Variants in PNISR observed in about 807,000 individuals in gnomAD.
PNISR encodes the protein arginine/serine-rich protein PNISR.
In PNISR, 20 loss-of-function variants were observed where a neutral mutation model predicts 93.4. The observed-to-expected ratio is 0.21, with a 90% CI of 0.15 to 0.31. The LOEUF (loss-of-function observed/expected upper bound fraction) is 0.31. Ranked by LOEUF, PNISR falls within the 10% of genes least tolerant of loss-of-function variation. PNISR has a pLI of 1.00. For synonymous variants in PNISR, 305 were observed against 306.5 expected (o/e 0.99, Z 0.05); for missense variants, 893 against 985.4 (o/e 0.91, Z 1.25).
intron 5 of PNISR, 49 bp from the exon 6 acceptor site, chr6:99,409,393 T>G: frequency 6.5e-7 from 1 of 1,539,856 alleles, no homozygotes; most frequent in Non-Finnish European, 8.9e-7. Flanking sequence ...TACAATATAC[T>G]CTCTGGGACA....
intron 1 of PNISR, among the ~76,000 whole-genome samples, chr6:99,421,871 CATTT>C (rs1451732474): frequency 3.3e-5 from 5 of 152,104 alleles, no homozygotes; most frequent in African/African-American, 1.2e-4. Flanking sequence ...AAATGACAAT[CATTT>C]ATTTATTATT....
chr6:99,398,336 TG>T lies in PNISR; in HGVS notation c.*2203del, dbSNP rs1223518574. ...AAATTATACATCTAATTAACTTATGTGTAAGTTTTTGCATTCACATCCTAAA... is the reference window on the plus strand; with the variant it reads ...AAATTATACATCTAATTAACTTATGTTAAGTTTTTGCATTCACATCCTAAA... On this transcript the variant is annotated 3_prime_UTR_variant, in exon 12 of 12. Coordinates refer to ENST00000369239, the MANE Select transcript of PNISR (RefSeq NM_032870.4). 2.6e-5 allele frequency: 4 copies of T among 152,186 alleles called. No homozygotes were observed. Among genetic ancestry groups the T allele is most frequent in the Non-Finnish European group, 5.9e-5 (4 of 67,982 alleles). The allele number at this position is 152,186 out of a possible 1,614,324, so 9.4% of individuals were successfully genotyped here. A position where few individuals can be genotyped will look rare whatever the true frequency, so the allele number is the denominator to read the frequency against.
At chr6:99,413,358 T>C (rs1385173196) in intron 3 of PNISR, among the ~76,000 whole-genome samples, 2 of 151,940 alleles carry the variant, frequency 1.3e-5, no homozygotes, top group East Asian at 3.9e-4. Flanking sequence ...CTTCCCAAGA[T>C]ACATTTTTTT....
At chr6:99,421,506 G>A (rs1417040982) in intron 1 of PNISR, among the ~76,000 whole-genome samples, 1 of 152,142 alleles carries the variant, frequency 6.6e-6, no homozygotes, top group African/African-American at 2.4e-5. Context: ...GGAGACATAA[G>A]ACACTTACAG....
chr6:99,402,023 G>C (rs906902118), intron 11 of PNISR, among the ~76,000 whole-genome samples: 6 of 152,168 alleles, frequency 3.9e-5, no homozygotes, highest in African/African-American at 1.4e-4. Flanking sequence ...ATGTAGAGGT[G>C]GGTGTGAGGC....
chr6:99,407,706 A>T (rs1404255912), intron 7 of PNISR, among the ~76,000 whole-genome samples: 1 of 152,216 alleles, frequency 6.6e-6, no homozygotes, highest in Non-Finnish European at 1.5e-5. Context: ...AAAACAATCA[A>T]AATTATTACA....
chr6:99,410,952 T>C lies in PNISR; in HGVS notation c.290A>G (p.His97Arg), dbSNP rs139262827. The C allele has an allele frequency of 1.0e-3, 1,624 of 1,611,382 alleles. 8 individuals are homozygous for C. Among genetic ancestry groups the C allele is most frequent in the Middle Eastern group, 1.8e-3 (11 of 6,052 alleles). ...TGGAGGGGGGTGTGGGGGTTGCTGA[T>C]GCATTCCCCATTCTATTTAAGATTT... ...NRMWQPEWGM[H>R]QQPPHPPPDQ... The change falls in exon 5 of 12, where the codon CAT (histidine) becomes CGT (arginine). Residue 97 changes from histidine (H) to arginine (R), a missense_variant. Transcript: ENST00000369239.
In PNISR at chr6:99,400,992, G is replaced by A. The variant is rs1207441069; in HGVS notation, c.1966C>T (p.His656Tyr). 1.2e-6 allele frequency: 2 copies of A among 1,611,966 alleles called. No homozygotes were observed. The highest frequency in any genetic ancestry group is 2.2e-5 in the East Asian group (1 of 44,842). Reference sequence around the variant, plus strand: ...TCTTGTTCTTTAGCCTCACCTTTATGCTTATGACTGTTCCCACTAAGATTT... The same window carrying A: ...TCTTGTTCTTTAGCCTCACCTTTATACTTATGACTGTTCCCACTAAGATTT... ...RGNLSGNSHK[H>Y]KGEAKEQERK... The change falls in exon 12 of 12, where the codon CAT becomes TAT. Residue 656 changes from histidine to tyrosine, a missense_variant. Physicochemically the swap from His to Tyr is moderately conservative, Grantham distance 83 (BLOSUM62 2). Around this residue, in one of 3 missense-constraint regions of PNISR, gnomAD observed 866 missense variants for 935.1 expected, o/e 0.93. Transcript: ENST00000369239.
chr6:99,406,184 G>C lies in PNISR; in HGVS notation c.865-16C>G. 1 of 1,567,892 alleles carries C rather than the reference G, an allele frequency of 6.4e-7. No homozygotes were observed. The highest frequency in any genetic ancestry group is 1.7e-5 in the Admixed American group (1 of 57,274). ...CATCACTATCCTATAAAAAACAATA[G>C]TATGGTAGTCCAAATTCATGTGTAT... On this transcript the variant is annotated splice_polypyrimidine_tract_variant and intron_variant, in intron 7 of 11. Transcript: ENST00000369239.
Position 99,399,609 on chromosome 6 carries a change from C to T in PNISR, c.*931G>A, listed in dbSNP as rs1250199738. 6.6e-6 allele frequency: 1 copy of T among 152,108 alleles called. No homozygotes were observed. The highest frequency in any genetic ancestry group is 1.5e-5 in the Non-Finnish European group (1 of 67,998). 9.4% of individuals were successfully genotyped at this position (152,108 alleles called of 1,614,324 possible). On this transcript the variant is annotated 3_prime_UTR_variant, in exon 12 of 12. Transcript: ENST00000369239. ...TTCCTTACAAATAACTCTACTGGTG[C>T]ACTGGCTTGATTGATTCCAGCAATT...
intron 1 of PNISR, among the ~76,000 whole-genome samples, chr6:99,421,759 G>A (rs564450604): frequency 6.6e-6 from 1 of 152,148 alleles, no homozygotes; most frequent in African/African-American, 2.4e-5. Context: ...AATATCCCTA[G>A]AAAACTAATA....
At chr6:99,401,655 CT>C (rs1355727491) in intron 11 of PNISR, 25 bp from the exon 12 acceptor site, 3 of 1,487,468 alleles carry the variant, frequency 2.0e-6, no homozygotes, top group Non-Finnish European at 2.7e-6. Context: ...GACAAAAACA[CT>C]AAGAAAATGT....
chr6:99,413,470 G>C (rs1161987326), intron 3 of PNISR, among the ~76,000 whole-genome samples: 1 of 151,600 alleles, frequency 6.6e-6, no homozygotes, highest in Non-Finnish European at 1.5e-5. Flanking sequence ...TCCATGTAGA[G>C]TCTGGGTTAT....
At chr6:99,419,229 T>C (rs1440378753) in intron 1 of PNISR, among the ~76,000 whole-genome samples, 1 of 130,760 alleles carries the variant, frequency 7.6e-6, no homozygotes, top group Non-Finnish European at 1.6e-5. Flanking sequence ...AAAACGTACA[T>C]GCACATCCCT....
chr6:99,401,387 GT>G lies in PNISR; in HGVS notation c.1570del (p.Thr524LeufsTer59). The G allele has an allele frequency of 6.2e-7, 1 of 1,606,688 alleles. No homozygotes were observed. The highest frequency in any genetic ancestry group is 8.5e-7 in the Non-Finnish European group (1 of 1,173,562). ...SSGSSSSNSR[T>X]SSTSSTVSSS... The stretch of plus-strand genomic sequence containing the variant: ...AGAGACAGTACTACTAGTACTACTA[GT>G]TCTGCTATTGCTACTGGAACTACCA... On this transcript the variant is annotated frameshift_variant, in exon 12 of 12. Coordinates refer to ENST00000369239, the MANE Select transcript of PNISR (RefSeq NM_032870.4). LOFTEE classifies it high-confidence loss of function.
chr6:99,400,231 C>A lies in PNISR; in HGVS notation c.*309G>T. The A allele has an allele frequency of 1.7e-6, 1 of 589,840 alleles. No homozygotes were observed. Among genetic ancestry groups the A allele is most frequent in the Non-Finnish European group, 2.2e-6 (1 of 463,200 alleles). The allele number at this position is 589,840 out of a possible 1,614,324, so 36.5% of individuals were successfully genotyped here. Reference sequence around the variant, plus strand: ...TCTATAATGAGACAAGCCCTTAAAACTCATGGAATTTTTTTAAAGAACATC... The same window carrying A: ...TCTATAATGAGACAAGCCCTTAAAAATCATGGAATTTTTTTAAAGAACATC... On this transcript the variant is annotated 3_prime_UTR_variant, in exon 12 of 12. Transcript: ENST00000369239.
Position 99,412,684 on chromosome 6 carries a change from T to C in PNISR, c.144A>G (p.Ser48=), listed in dbSNP as rs376015395. The change falls in exon 4 of 12, where the codon TCA becomes TCG. Residue 48 remains serine (S), a synonymous_variant. Coordinates refer to ENST00000369239, the MANE Select transcript of PNISR (RefSeq NM_032870.4). ...AQAWIAQREA[S]GQQSMVEQPP... is the part of the protein sequence containing the mutation. ...GTTGTTCTACCATGCTTTGCTGTCC[T>C]GAAGCTTCTCTTTGGGCAATCCAAG... The C allele has an allele frequency of 1.2e-6, 2 of 1,609,990 alleles. No individual in the cohort carries two copies. Among genetic ancestry groups the C allele is most frequent in the Non-Finnish European group, 1.7e-6 (2 of 1,178,660 alleles).
rs766255696 is a variant in PNISR at position 99,410,900 on chromosome 6, T to C, written c.342A>G (p.Pro114=). ...AAGGAGGAACAATGTCCATTGGGCC[T>C]GGTGTTGGTGGCATCCATGGCTGAT... is the stretch of plus-strand genomic sequence containing the variant. ...PPDQPWMPPT[P]GPMDIVPPSE... is the part of the protein sequence containing the mutation. Residue 114 remains proline (P), a synonymous_variant, in exon 5 of 12, where the codon CCA becomes CCG. Transcript: ENST00000369239. The C allele has an allele frequency of 6.2e-7, 1 of 1,614,080 alleles. No individual in the cohort carries two copies. Among genetic ancestry groups the C allele is most frequent in the South Asian group, 1.1e-5 (1 of 91,072 alleles).
intron 3 of PNISR, among the ~76,000 whole-genome samples, chr6:99,413,395 C>CATCT (rs1438713327): frequency 2.0e-5 from 1 of 50,418 alleles, no homozygotes; most frequent in Non-Finnish European, 4.7e-5. Flanking sequence ...CGTATCTATC[C>CATCT]ATCCATCCAT....
Sources: gnomAD v4.1 joint callset for allele counts (sites outside exome capture counted in the v4.1 genomes callset) on GRCh38, gnomAD v4.1.1 for gene constraint, gnomAD v4.1.1 regional missense constraint, MANE v1.5 for transcripts, NCBI Gene and HGNC (gene_info 2026-07-23, HGNC 2026-07-21) for gene names.